The following SLC11A2 variants were observed in gnomAD, a reference collection of about 807,000 sequenced individuals.
SLC11A2 encodes the protein solute carrier family 11 member 2, also known as natural resistance-associated macrophage protein 2.
A neutral mutation model predicts 68.0 loss-of-function variants in SLC11A2; 38 were observed. That is an observed-to-expected ratio of 0.56 (90% CI 0.43 to 0.73). SLC11A2 has a LOEUF of 0.73. Among genes scored for constraint, SLC11A2 ranks in the 30% least tolerant of loss-of-function variants. The pLI is 0.00. For missense variants in SLC11A2, 517 were observed against 690.5 expected (o/e 0.75, Z 2.82); for synonymous variants, 242 against 250.6 (o/e 0.97, Z 0.32).
In SLC11A2 at chr12:50,986,549, T is replaced by C. The variant is rs1306959601; in HGVS notation, c.*1776A>G. On this transcript the variant is annotated 3_prime_UTR_variant, in exon 16 of 16. Transcript: ENST00000262052. ...CCCAGACCCAGGGCAAAGATACATG[T>C]TACCATATCATCTTTATAAAGAATT... The C allele has an allele frequency of 1.6e-6, 2 of 1,287,076 alleles. No homozygotes were observed. The highest frequency in any genetic ancestry group is 4.6e-5 in the Admixed American group (2 of 43,544). The allele number at this position is 1,287,076 out of a possible 1,614,324, so 79.7% of individuals were successfully genotyped here.
At chr12:50,962,079 T>G in the SLC11A2 span, among the ~76,000 whole-genome samples, 1 of 152,154 alleles carries the variant, frequency 6.6e-6, no homozygotes, top group African/African-American at 2.4e-5. Context: ...AAGTTATAGA[T>G]GCCGTGACAG....
chr12:50,960,531 A>C, the SLC11A2 span, among the ~76,000 whole-genome samples: 2 of 152,100 alleles, frequency 1.3e-5, no homozygotes, highest in African/African-American at 4.8e-5. Context: ...GGCTCATTTT[A>C]AAGTCTGGTA....
At chr12:51,004,702 A>T in intron 5 of SLC11A2, 86 bp downstream of exon 5, 1 of 1,488,966 alleles carries the variant, frequency 6.7e-7, no homozygotes, top group Non-Finnish European at 9.3e-7. Context: ...TGACTGTCTC[A>T]CTATAGAATG....
At chr12:50,973,178 C>T in the SLC11A2 span, among the ~76,000 whole-genome samples, 6 of 152,162 alleles carry the variant, frequency 3.9e-5, no homozygotes, top group Non-Finnish European at 8.8e-5. Flanking sequence ...GATCTGAGAA[C>T]GGACAGACTG....
At chr12:50,974,280 C>T in the SLC11A2 span, among the ~76,000 whole-genome samples, 9 of 152,198 alleles carry the variant, frequency 5.9e-5, no homozygotes, top group African/African-American at 2.2e-4. Flanking sequence ...ATCAGACTAA[C>T]AGCTGATCTC....
chr12:50,960,665 T>C, the SLC11A2 span, among the ~76,000 whole-genome samples: 2 of 151,592 alleles, frequency 1.3e-5, no homozygotes, highest in Non-Finnish European at 2.9e-5. Context: ...AATTCTTGCC[T>C]GCTGTGTATT....
At chr12:51,019,940 C>A (rs919600832) in intron 1 of SLC11A2, among the ~76,000 whole-genome samples, 7 of 152,094 alleles carry the variant, frequency 4.6e-5, no homozygotes, top group African/African-American at 1.7e-4. Flanking sequence ...CTACCATGCC[C>A]AGCCCAATTA....
At chr12:50,981,491 C>CCAT, downstream of SLC11A2, 2 of 429,906 alleles carry the variant, frequency 4.7e-6, no homozygotes, top group Non-Finnish European at 8.6e-6. Context: ...GGGTGTGTGG[C>CCAT]CATCAGAGGC....
intron 12 of SLC11A2, 87 bp from the exon 13 acceptor site, chr12:50,992,426 T>C: frequency 7.7e-7 from 1 of 1,291,852 alleles, no homozygotes; most frequent in East Asian, 2.4e-5. Context: ...CTCAGAAGAA[T>C]GGGATTAAGA....
chr12:50,975,552 T>C (rs984124807), downstream of SLC11A2, among the ~76,000 whole-genome samples: 2 of 151,948 alleles, frequency 1.3e-5, no homozygotes, highest in African/African-American at 4.8e-5. Context: ...AGATCTAAAA[T>C]TGACACCCTA....
chr12:50,992,108 C>T, intron 13 of SLC11A2, 82 bp downstream of exon 13: 2 of 1,349,814 alleles, frequency 1.5e-6, no homozygotes, highest in Non-Finnish European at 1.1e-6. Context: ...ATCCCCCCAG[C>T]ACTCAGCTAG....
the SLC11A2 span, among the ~76,000 whole-genome samples, chr12:50,964,597 C>T: frequency 0.13 from 19,634 of 152,200 alleles, 1,727 homozygotes; most frequent in East Asian, 0.42. Context: ...GGAGAGTTCA[C>T]ACAGCCCTGA....
chr12:50,964,216 A>G, the SLC11A2 span, among the ~76,000 whole-genome samples: 2 of 152,228 alleles, frequency 1.3e-5, no homozygotes, highest in Admixed American at 6.5e-5. Flanking sequence ...CCTAAATATC[A>G]CAGTCTGTTT....
chr12:51,026,412 G>A (rs1236172415), upstream of SLC11A2: 1 of 1,232,246 alleles, frequency 8.1e-7, no homozygotes, highest in Non-Finnish European at 1.1e-6. Context: ...CCCCGCGATT[G>A]GTCGACAGGA....
the SLC11A2 span, among the ~76,000 whole-genome samples, chr12:50,968,853 A>AT: frequency 2.0e-5 from 3 of 147,132 alleles, no homozygotes; most frequent in Non-Finnish European, 4.5e-5. Context: ...TAATTTTTTT[A>AT]TTTTTTTGTA....
intron 11 of SLC11A2, among the ~76,000 whole-genome samples, chr12:50,993,593 A>AGGG (rs369091351): frequency 1.3e-5 from 2 of 150,616 alleles, no homozygotes; most frequent in Admixed American, 6.6e-5. Context: ...TGGGAGGCCG[A>AGGG]GGGGGGGGTG....
Position 51,005,401 on chromosome 12 carries a change from G to A in SLC11A2, c.219C>T (p.Phe73=). The A allele has an allele frequency of 6.2e-7, 1 of 1,614,056 alleles. No homozygotes were observed. The highest frequency in any genetic ancestry group is 8.5e-7 in the Non-Finnish European group (1 of 1,179,940). The change falls in exon 4 of 16, where the codon TTC becomes TTT. Residue 73 remains phenylalanine (F), a synonymous_variant. Coordinates refer to ENST00000262052, the MANE Select transcript of SLC11A2 (RefSeq NM_000617.3). ...SCFSFRKLWA[F]TGPGFLMSIA... is the part of the protein sequence containing the mutation. Reference sequence around the variant, plus strand: ...TGCTCATAAGAAAACCTGGTCCGGTGAAAGCCCAGAGTTTACGAAAGCTAA... The same window carrying A: ...TGCTCATAAGAAAACCTGGTCCGGTAAAAGCCCAGAGTTTACGAAAGCTAA...
intron 15 of SLC11A2, 150 bp from the exon 16 acceptor site, chr12:50,988,585 C>T (rs1940832867): frequency 7.9e-7 from 1 of 1,261,782 alleles, no homozygotes; most frequent in Non-Finnish European, 1.1e-6. Context: ...GTCATTCTCT[C>T]AACCCCACTC....
chr12:50,981,149 T>C (rs1940000338), downstream of SLC11A2: 2 of 152,232 alleles, frequency 1.3e-5, no homozygotes, highest in African/African-American at 4.8e-5. Context: ...GATGTGTTAA[T>C]ATGATGTGTT....
Sources: allele counts gnomAD v4.1 joint callset (sites outside exome capture counted in the v4.1 genomes callset), GRCh38; gene constraint gnomAD v4.1.1; transcripts MANE v1.5; gene names NCBI Gene and HGNC (gene_info 2026-07-23, HGNC 2026-07-21).